Variants in PPP1R12B observed in about 807,000 individuals in gnomAD.
The protein encoded by PPP1R12B is myosin phosphatase target subunit 2.
Under a neutral mutation model 126.1 loss-of-function variants are expected in PPP1R12B, and 76 were observed. That is an observed-to-expected ratio of 0.60 (90% CI 0.50 to 0.73). The LOEUF (loss-of-function observed/expected upper bound fraction) is 0.73. Among genes scored for constraint, PPP1R12B ranks in the 30% least tolerant of loss-of-function variants. The pLI is 0.00. For missense variants in PPP1R12B, 1,052 were observed against 1,205.1 expected (o/e 0.87, Z 1.88); for synonymous variants, 356 against 434.7 (o/e 0.82, Z 2.25).
chr1:202,538,261 C>T (rs959125183), intron 18 of PPP1R12B, among the ~76,000 whole-genome samples: 1 of 152,214 alleles, frequency 6.6e-6, no homozygotes, highest in Non-Finnish European at 1.5e-5. Context: ...TCCCAAAGTG[C>T]TGGGATTACA....
In PPP1R12B at chr1:202,442,461, A is replaced by G; in HGVS notation, c.1556A>G (p.Asn519Ser). The change falls in exon 12 of 24, where the codon AAT (asparagine) becomes AGT (serine). Residue 519 changes from asparagine to serine, a missense_variant. Asn to Ser is a conservative substitution (Grantham distance 46). Coordinates refer to ENST00000608999, the MANE Select transcript of PPP1R12B (RefSeq NM_002481.4). ...EEKENRESAV[N>S]LVRSGSYTRQ... ...TGCTTCTACAGAGAATCAGCTGTTA[A>G]TCTAGTGAGGAGTGGCTCCTATACC... is the stretch of plus-strand genomic sequence containing the variant. 6.2e-7 allele frequency: 1 copy of G among 1,611,122 alleles called. No individual in the cohort carries two copies. Among genetic ancestry groups the G allele is most frequent in the Non-Finnish European group, 8.5e-7 (1 of 1,179,140 alleles).
At chr1:202,442,946 G>A (rs1671813485) in intron 12 of PPP1R12B, 1 of 261,812 alleles carries the variant, frequency 3.8e-6, no homozygotes. Flanking sequence ...ATTTTTGGGG[G>A]GAGGAAGGGA....
chr1:202,474,472 T>C (rs1676370479), intron 13 of PPP1R12B, among the ~76,000 whole-genome samples: 1 of 152,058 alleles, frequency 6.6e-6, no homozygotes, highest in Non-Finnish European at 1.5e-5. Context: ...GAGACATGGT[T>C]TCACTGTGTT....
chr1:202,506,373 C>A (rs1476404239), intron 18 of PPP1R12B, among the ~76,000 whole-genome samples: 1 of 152,188 alleles, frequency 6.6e-6, no homozygotes, highest in African/African-American at 2.4e-5. Flanking sequence ...CTTTTATGGA[C>A]TCTATTAATT....
At chr1:202,450,822 G>A (rs1672830899) in intron 13 of PPP1R12B, among the ~76,000 whole-genome samples, 1 of 152,158 alleles carries the variant, frequency 6.6e-6, no homozygotes, top group African/African-American at 2.4e-5. Flanking sequence ...TTTTTGCTTA[G>A]GGTGGCTTTG....
chr1:202,354,869 A>C (rs1385234966), intron 1 of PPP1R12B, among the ~76,000 whole-genome samples: 2 of 137,748 alleles, frequency 1.5e-5, no homozygotes, highest in Admixed American at 8.0e-5. Context: ...TCCGTCGCCC[A>C]GGCTGGAGTG....
At chr1:202,394,995 T>A (rs1664733879) in intron 1 of PPP1R12B, among the ~76,000 whole-genome samples, 1 of 150,086 alleles carries the variant, frequency 6.7e-6, no homozygotes, top group Admixed American at 6.7e-5. Flanking sequence ...GTGGGCGCTG[T>A]AATCCCAGCT....
chr1:202,472,136 C>T (rs1676009259), intron 13 of PPP1R12B: 2 of 1,355,910 alleles, frequency 1.5e-6, no homozygotes, highest in Non-Finnish European at 2.0e-6. Context: ...GTGCGTAGGT[C>T]ATCACCGCCG....
chr1:202,365,779 C>T (rs6669844), intron 1 of PPP1R12B, among the ~76,000 whole-genome samples: 6,128 of 151,976 alleles, frequency 0.04, 336 homozygotes, highest in African/African-American at 0.12. Flanking sequence ...CTGAGGTGGG[C>T]GGATTGCTTG....
At chr1:202,435,174 A>G (rs1168114157) in intron 9 of PPP1R12B, among the ~76,000 whole-genome samples, 5 of 152,174 alleles carry the variant, frequency 3.3e-5, no homozygotes, top group Non-Finnish European at 5.9e-5. Context: ...ACAGACCCTT[A>G]TCTCCAAATA....
intron 2 of PPP1R12B, among the ~76,000 whole-genome samples, chr1:202,421,501 G>A (rs12733880): frequency 5.9e-5 from 9 of 151,718 alleles, no homozygotes; most frequent in Non-Finnish European, 8.8e-5. Flanking sequence ...TTAGCTGGGC[G>A]TGGTGTCACA....
In PPP1R12B at chr1:202,565,741, C is replaced by T. The variant is rs1687987459; in HGVS notation, c.2757+1194C>T. ...TACTGGAAATTTCTGAGACTTACTG[C>T]AACACAAATAGATAATAACTAGGCT... On this transcript the variant is annotated intron_variant, in intron 21 of 23. Coordinates refer to ENST00000608999, the MANE Select transcript of PPP1R12B (RefSeq NM_002481.4). This position sits in a 1 kb window ranked among gnomAD's most constrained non-coding sequence, Gnocchi z 4.3. 6.6e-6 allele frequency among the ~76,000 whole-genome samples: 1 copy of T among 152,088 alleles called. No homozygotes were observed.
At chr1:202,446,347 G>A (rs531900187) in intron 12 of PPP1R12B, among the ~76,000 whole-genome samples, 267 of 141,774 alleles carry the variant, frequency 1.9e-3, no homozygotes, top group Non-Finnish European at 3.2e-3. Flanking sequence ...TTCACCTCCC[G>A]GGCTCGAGCA....
chr1:202,559,037 A>C (rs1687251967), intron 19 of PPP1R12B, 144 bp downstream of exon 19: 2 of 874,580 alleles, frequency 2.3e-6, no homozygotes, highest in East Asian at 5.7e-5. Context: ...ACAATAATTC[A>C]GACTTTTATT....
chr1:202,439,852 C>T (rs1671377246), intron 10 of PPP1R12B: 1 of 351,040 alleles, frequency 2.8e-6, no homozygotes, highest in African/African-American at 2.1e-5. Context: ...AGTTTCTCCT[C>T]AACAGGTTTG....
chr1:202,547,635 A>C (rs1157165617), intron 18 of PPP1R12B, among the ~76,000 whole-genome samples: 1 of 152,208 alleles, frequency 6.6e-6, no homozygotes. Context: ...AATAGATGAG[A>C]GTATATTATA....
intron 18 of PPP1R12B, among the ~76,000 whole-genome samples, chr1:202,497,613 T>C (rs1034853311): frequency 3.9e-5 from 6 of 152,236 alleles, no homozygotes; most frequent in African/African-American, 1.2e-4. Context: ...TATATTGTCA[T>C]TGATCTGCCT....
intron 1 of PPP1R12B, among the ~76,000 whole-genome samples, chr1:202,385,567 AG>A (rs1223730900): frequency 1.3e-5 from 2 of 152,132 alleles, no homozygotes; most frequent in African/African-American, 4.8e-5. Context: ...ATTGTCCTAG[AG>A]TCTTTGGGGG....
In PPP1R12B at chr1:202,402,206, GT is replaced by G. The variant is rs542798728; in HGVS notation, c.292-14578del. Among the ~76,000 whole-genome samples the G allele has an allele frequency of 1.1e-4, 17 of 152,294 alleles. No individual in the cohort carries two copies. The South Asian group carries it at 3.5e-3, about 32-fold the overall frequency. On this transcript the variant is annotated intron_variant, in intron 1 of 23. Transcript: ENST00000608999. ...CCATATTCTACTTTTGGAACATGAG[GT>G]TTCTACCTTTTTGCTATTCCTGATC...
Sources: gnomAD v4.1 joint callset for allele counts (sites outside exome capture counted in the v4.1 genomes callset) on GRCh38, gnomAD v4.1.1 for gene constraint, Gnocchi (gnomAD v3.1) non-coding constraint, MANE v1.5 for transcripts, NCBI Gene and HGNC (gene_info 2026-07-23, HGNC 2026-07-21) for gene names.